The following CBR1 variants were observed in gnomAD, a reference collection of about 807,000 sequenced individuals.
CBR1 encodes the protein carbonyl reductase 1, also known as carbonyl reductase [NADPH] 1.
A neutral mutation model predicts 10.6 loss-of-function variants in CBR1; 11 were observed. The ratio of observed to expected loss-of-function variants is 1.03; its 90% confidence interval spans 0.65 to 1.71. The LOEUF (loss-of-function observed/expected upper bound fraction) is 1.71. CBR1 is among the 40% of genes most tolerant of loss of function. CBR1 has a pLI of 0.00. For missense variants in CBR1, 361 were observed against 368.6 expected (o/e 0.98, Z 0.17); for synonymous variants, 158 against 156.7 (o/e 1.01, Z -0.06).
At position 36,070,271 on chromosome 21, in the gene CBR1, G is replaced by A. The variant is rs533734780; in HGVS notation, c.156G>A (p.Ala52=). The change falls in exon 1 of 3, where the codon GCG becomes GCA. Residue 52 remains alanine, a synonymous_variant. Coordinates refer to ENST00000290349, the MANE Select transcript of CBR1 (RefSeq NM_001757.4). ...AGGCGGCCGTACAGCAGCTGCAGGCGGAGGGCCTGAGCCCGCGCTTCCACC... is the reference window on the plus strand; with the variant it reads ...AGGCGGCCGTACAGCAGCTGCAGGCAGAGGGCCTGAGCCCGCGCTTCCACC... ...RGQAAVQQLQ[A]EGLSPRFHQL... 11 of 1,612,070 alleles carry A rather than the reference G, an allele frequency of 6.8e-6. No individual in the cohort carries two copies. Among genetic ancestry groups the A allele is most frequent in the African/African-American group, 2.7e-5 (2 of 74,898 alleles).
At chr21:36,071,724 C>T in intron 2 of CBR1, 3 of 821,430 alleles carry the variant, frequency 3.7e-6, no homozygotes, top group Non-Finnish European at 5.9e-6. Flanking sequence ...CATTGCAGCT[C>T]TACAGCAGGC....
intron 2 of CBR1, 25 bp downstream of exon 2, chr21:36,071,082 CCTT>C: frequency 6.7e-7 from 1 of 1,488,516 alleles, no homozygotes; most frequent in Middle Eastern, 1.7e-4. Flanking sequence ...AAACAGCGCA[CCTT>C]CTCTTTGGGG....
chr21:36,072,821 C>T lies in CBR1; in HGVS notation c.773C>T (p.Pro258Leu). 1 of 1,613,904 alleles carries T rather than the reference C, an allele frequency of 6.2e-7. No homozygotes were observed. ...ACCCCTGTGTACTTGGCCCTTTTGC[C>T]CCCAGATGCTGAGGGTCCCCATGGA... ...AETPVYLALL[P>L]PDAEGPHGQF... is the part of the protein sequence containing the mutation. Residue 258 changes from proline to leucine, a missense_variant, in exon 3 of 3, where the codon CCC becomes CTC. Transcript: ENST00000290349.
intron 2 of CBR1, 200 bp downstream of exon 2, chr21:36,071,257 C>T: frequency 1.4e-6 from 1 of 695,478 alleles, no homozygotes; most frequent in East Asian, 2.7e-5. Context: ...GGCCATTCGT[C>T]CTCCCTGTCG....
Position 36,070,419 on chromosome 21 carries a change from C to T in CBR1, c.289+15C>T, listed in dbSNP as rs2123835017. 7 of 1,570,402 alleles carry T rather than the reference C, an allele frequency of 4.5e-6. No homozygotes were observed. Among genetic ancestry groups the T allele is most frequent in the Non-Finnish European group, 5.2e-6 (6 of 1,157,444 alleles). On this transcript the variant is annotated intron_variant, in intron 1 of 2. Transcript: ENST00000290349. ...CGCCTTCAAGGGTATGGGGAGGGGA[C>T]GTGGCCTCCCCGAAGAAGAACCGAT... is the stretch of plus-strand genomic sequence containing the variant.
intron 2 of CBR1, chr21:36,071,963 GC>G (rs1377691520): frequency 6.5e-7 from 1 of 1,535,962 alleles, no homozygotes; most frequent in Admixed American, 2.0e-5. Flanking sequence ...TGCTGAAGGT[GC>G]TGGACATGAC....
chr21:36,070,866 T>TA lies in CBR1; in HGVS notation c.290-84_290-83insA. On this transcript the variant is annotated intron_variant, in intron 1 of 2. Coordinates refer to ENST00000290349, the MANE Select transcript of CBR1 (RefSeq NM_001757.4). Reference sequence around the variant, plus strand: ...AGAGGGCACTAAGTTTTTTTTTTTTTTTTTTTTTTTTTTTAGTATCATTGT... The same window carrying TA: ...AGAGGGCACTAAGTTTTTTTTTTTTTATTTTTTTTTTTTTTAGTATCATTGT... The TA allele has an allele frequency of 2.8e-5, 13 of 467,436 alleles. 1 individual carries two copies. The highest frequency in any genetic ancestry group is 6.1e-5 in the South Asian group (2 of 32,714). The allele number at this position is 467,436 out of a possible 1,614,324, so 29.0% of individuals were successfully genotyped here.
intron 1 of CBR1, 53 bp from the exon 2 acceptor site, chr21:36,070,883 TATCATTGTATAGAA>T: frequency 4.6e-6 from 4 of 875,744 alleles, no homozygotes; most frequent in South Asian, 3.4e-5. Flanking sequence ...TTTTTTTTAG[TATCATTGTATAGAA>T]TTTTACCCCA....
At chr21:36,070,490 G>C in intron 1 of CBR1, 86 bp downstream of exon 1, 1 of 1,295,188 alleles carries the variant, frequency 7.7e-7, no homozygotes, top group South Asian at 1.5e-5. Flanking sequence ...GCCTCCCTAG[G>C]GAGGAGAGGG....
chr21:36,071,823 G>A (rs759118392), intron 2 of CBR1: 54 of 1,534,978 alleles, frequency 3.5e-5, no homozygotes, highest in South Asian at 8.3e-5. Flanking sequence ...AGCATCCTGC[G>A]TACTGTCTGC....
At position 36,070,942 on chromosome 21, in the gene CBR1, C is replaced by T. The variant is rs748541874; in HGVS notation, c.290-8C>T. The T allele has an allele frequency of 1.3e-5, 21 of 1,581,212 alleles. No individual in the cohort carries two copies. The highest frequency in any genetic ancestry group is 1.8e-5 in the Non-Finnish European group (21 of 1,151,944). On this transcript the variant is annotated splice_polypyrimidine_tract_variant and splice_region_variant and intron_variant, in intron 1 of 2. Transcript: ENST00000290349. The stretch of plus-strand genomic sequence containing the variant: ...TGTATTAACTATGTTCTCTTTCTCT[C>T]CTAAAAGTTGCTGATCCCACACCCT...
intron 2 of CBR1, chr21:36,071,405 A>T: frequency 1.7e-6 from 1 of 595,764 alleles, no homozygotes; most frequent in East Asian, 2.8e-5. Context: ...TTTCAGAGAG[A>T]TCTTATTCAG....
rs1286291461 is a variant in CBR1 at position 36,072,449 on chromosome 21, G to C, written c.401G>C (p.Arg134Thr). The change falls in exon 3 of 3, where the codon AGA (arginine) becomes ACA (threonine). Residue 134 changes from arginine to threonine, a missense_variant. Transcript: ENST00000290349. ...AATGCTTTGTGGTGTATCTTAGGGAGAGTGGTGAACGTATCTAGCATCATG... is the reference window on the plus strand; with the variant it reads ...AATGCTTTGTGGTGTATCTTAGGGACAGTGGTGAACGTATCTAGCATCATG... ...ELLPLIKPQG[R>T]VVNVSSIMSV... The C allele has an allele frequency of 6.2e-7, 1 of 1,614,144 alleles. No homozygotes were observed. The highest frequency in any genetic ancestry group is 2.2e-5 in the East Asian group (1 of 44,882).
intron 1 of CBR1, chr21:36,070,626 T>G: frequency 1.8e-6 from 1 of 553,998 alleles, no homozygotes; most frequent in Non-Finnish European, 3.1e-6. Context: ...GCAGTTTTTC[T>G]GAATTGAGCT....
intron 2 of CBR1, chr21:36,072,046 A>G: frequency 2.7e-6 from 4 of 1,495,226 alleles, no homozygotes; most frequent in South Asian, 1.3e-5. Flanking sequence ...GAACCCACCC[A>G]TTAAATAACA....
chr21:36,072,023 T>C (rs1470214758), intron 2 of CBR1: 1 of 1,519,350 alleles, frequency 6.6e-7, no homozygotes, highest in African/African-American at 1.4e-5. Context: ...CCCTAAGTAA[T>C]GGGACAGGAG....
intron 1 of CBR1, 53 bp from the exon 2 acceptor site, chr21:36,070,897 A>C: frequency 8.8e-7 from 1 of 1,142,000 alleles, no homozygotes; most frequent in Admixed American, 1.9e-5. Flanking sequence ...ATTGTATAGA[A>C]TTTTACCCCA....
chr21:36,072,792 A>G lies in CBR1; in HGVS notation c.744A>G (p.Ala248=), dbSNP rs1339039899. 1 of 1,614,070 alleles carries G rather than the reference A, an allele frequency of 6.2e-7. No individual in the cohort carries two copies. The highest frequency in any genetic ancestry group is 8.5e-7 in the Non-Finnish European group (1 of 1,179,998). The change falls in exon 3 of 3, where the codon GCA becomes GCG. Residue 248 remains alanine, a synonymous_variant. Coordinates refer to ENST00000290349, the MANE Select transcript of CBR1 (RefSeq NM_001757.4). ...PKATKSPEEG[A]ETPVYLALLP... ...CCACCAAGAGCCCAGAAGAAGGTGC[A>G]GAGACCCCTGTGTACTTGGCCCTTT...
At position 36,072,648 on chromosome 21, in the gene CBR1, C is replaced by T. The variant is rs564684300; in HGVS notation, c.600C>T (p.Gly200=). 26 of 1,611,684 alleles carry T rather than the reference C, an allele frequency of 1.6e-5. No homozygotes were observed. The highest frequency in any genetic ancestry group is 1.0e-4 in the Admixed American group (6 of 59,616). Residue 200 remains glycine (G), a synonymous_variant, in exon 3 of 3, where the codon GGC becomes GGT. Coordinates refer to ENST00000290349, the MANE Select transcript of CBR1 (RefSeq NM_001757.4). ...GCGCATACGGGGTGACGAAGATTGG[C>T]GTCACCGTTCTGTCCAGGATCCACG... is the stretch of plus-strand genomic sequence containing the variant. The part of the protein sequence containing the change: ...PSSAYGVTKI[G]VTVLSRIHAR...
Sources: gnomAD v4.1 joint callset for allele counts on GRCh38, gnomAD v4.1.1 for gene constraint, MANE v1.5 for transcripts, NCBI Gene and HGNC (gene_info 2026-07-23, HGNC 2026-07-21) for gene names.